Variants in NFATC2 observed in about 807,000 individuals in gnomAD.
NFATC2 encodes the protein nuclear factor of activated T-cells, cytoplasmic 2.
In NFATC2, 22 loss-of-function variants were observed where a neutral mutation model predicts 87.3. The ratio of observed to expected loss-of-function variants is 0.25; its 90% CI spans 0.18 to 0.36. The LOEUF (loss-of-function observed/expected upper bound fraction) is 0.36. Ranked by LOEUF, NFATC2 falls within the 10% of genes least tolerant of loss-of-function variation. NFATC2 has a pLI of 1.00. For missense variants in NFATC2, 1,149 were observed against 1,259.1 expected (o/e 0.91, Z 1.32); for synonymous variants, 565 against 542.2 (o/e 1.04, Z -0.58).
chr20:51,536,749 T>C (rs1023210930), intron 1 of NFATC2, among the ~76,000 whole-genome samples: 14 of 152,226 alleles, frequency 9.2e-5, no homozygotes, highest in African/African-American at 3.1e-4. Context: ...TCATTTCACC[T>C]TTCCAGCTGC....
Position 51,463,664 on chromosome 20 carries a change from C to T in NFATC2, c.1709-8976G>A, listed in dbSNP as rs577273893. ...CCAGCTCTGCCCCTGCCTTGCCAGC[C>T]GTGGGACTGCAGCAAGTCACTCATC... On this transcript the variant is annotated intron_variant, in intron 5 of 10. Transcript: ENST00000371564. Among the ~76,000 whole-genome samples, 40 of 152,320 alleles carry T rather than the reference C, an allele frequency of 2.6e-4. 1 individual carries two copies. The highest frequency in any genetic ancestry group is 7.9e-4 in the African/African-American group (33 of 41,576).
upstream of NFATC2, among the ~76,000 whole-genome samples, chr20:51,545,613 T>A (rs913713607): frequency 6.6e-5 from 10 of 151,916 alleles, no homozygotes; most frequent in African/African-American, 2.2e-4. Flanking sequence ...GATGAATAGA[T>A]GGGTGGATGG....
chr20:51,540,647 G>GTTTTTTTTTTTTTGTTTTTTTTT (rs375172598), intron 1 of NFATC2, among the ~76,000 whole-genome samples: 1 of 112,974 alleles, frequency 8.9e-6, no homozygotes, highest in African/African-American at 4.4e-5. Context: ...AAAAACTGAA[G>GTTTTTTTTTTTTTGTTTTTTTTT]TTTTTTTTTT....
At chr20:51,395,089 CTTGTTTGGAGTCTT>C (rs1227949580) in intron 10 of NFATC2, among the ~76,000 whole-genome samples, 1 of 152,196 alleles carries the variant, frequency 6.6e-6, no homozygotes, top group African/African-American at 2.4e-5. Context: ...TGATCTGTTA[CTTGTTTGGAGTCTT>C]TCTCTCTATG....
At chr20:51,412,281 A>G (rs1397933347) in intron 9 of NFATC2, among the ~76,000 whole-genome samples, 8 of 152,070 alleles carry the variant, frequency 5.3e-5, no homozygotes, top group Non-Finnish European at 1.2e-4. Flanking sequence ...GCTGGGGGTG[A>G]TTGGACTGGG....
At chr20:51,469,860 A>G (rs916741361) in intron 5 of NFATC2, among the ~76,000 whole-genome samples, 4 of 152,178 alleles carry the variant, frequency 2.6e-5, no homozygotes, top group Non-Finnish European at 4.4e-5. Flanking sequence ...CCTTGATTTC[A>G]GACTTCTGGC....
At chr20:51,521,315 A>G (rs187089591) in intron 2 of NFATC2, among the ~76,000 whole-genome samples, 67 of 152,000 alleles carry the variant, frequency 4.4e-4, no homozygotes, top group Admixed American at 1.2e-3. Context: ...TTAGGTACTC[A>G]ATTTTTATTT....
In NFATC2 at chr20:51,432,950, G is replaced by A. The variant is rs887097961; in HGVS notation, c.2033-194C>T. 2.6e-5 allele frequency among the ~76,000 whole-genome samples: 4 copies of A among 152,102 alleles called. No individual in the cohort carries two copies. The highest frequency in any genetic ancestry group is 5.9e-5 in the Non-Finnish European group (4 of 68,014). Reference sequence around the variant, plus strand: ...TGTCTTAGGTAGGAAATTTTACCCTGGCCATGAACATCTTGAATTATAGAT... The same window carrying A: ...TGTCTTAGGTAGGAAATTTTACCCTAGCCATGAACATCTTGAATTATAGAT... On this transcript the variant is annotated intron_variant, in intron 8 of 10. Coordinates refer to ENST00000371564, the MANE Select transcript of NFATC2 (RefSeq NM_012340.5). This position sits in a 1 kb window ranked among gnomAD's most constrained non-coding sequence, Gnocchi z 4.6.
At chr20:51,443,260 AC>A (rs1439431831) in intron 6 of NFATC2, among the ~76,000 whole-genome samples, 1 of 151,754 alleles carries the variant, frequency 6.6e-6, no homozygotes, top group Non-Finnish European at 1.5e-5. Flanking sequence ...TGCTATCTCC[AC>A]CCAGCCTCAG....
At chr20:51,561,453 AAG>A in intron 1 of NFATC2, among the ~76,000 whole-genome samples, 1 of 118,120 alleles carries the variant, frequency 8.5e-6, no homozygotes, top group East Asian at 2.5e-4. Flanking sequence ...GAAAGAAAGA[AAG>A]AAAGAAAGAA....
chr20:51,543,167 G>C (rs528122601), upstream of NFATC2, among the ~76,000 whole-genome samples: 2 of 152,254 alleles, frequency 1.3e-5, no homozygotes, highest in East Asian at 3.9e-4. Context: ...TCAGACACCT[G>C]CATGGCCCTG....
At chr20:51,553,683 A>G (rs2076953554) in intron 1 of NFATC2, among the ~76,000 whole-genome samples, 1 of 150,972 alleles carries the variant, frequency 6.6e-6, no homozygotes, top group Non-Finnish European at 1.5e-5. Flanking sequence ...CTCAAAAAAA[A>G]AAAAAAAAAA....
At chr20:51,399,769 C>T (rs749075506) in intron 9 of NFATC2, among the ~76,000 whole-genome samples, 5 of 152,232 alleles carry the variant, frequency 3.3e-5, no homozygotes, top group Non-Finnish European at 5.9e-5. Context: ...AGCTCCCACA[C>T]TAAACTGCCC....
intron 10 of NFATC2, among the ~76,000 whole-genome samples, chr20:51,397,627 G>A (rs1987370959): frequency 6.6e-6 from 1 of 152,162 alleles, no homozygotes; most frequent in East Asian, 1.9e-4. Flanking sequence ...CTCCCCAGGA[G>A]CCGATTCCTC....
chr20:51,491,958 G>A (rs935849012), intron 3 of NFATC2, among the ~76,000 whole-genome samples: 2 of 146,406 alleles, frequency 1.4e-5, no homozygotes, highest in African/African-American at 5.1e-5. Context: ...AGCTTATGAG[G>A]ACCCTGCTAT....
chr20:51,473,010 C>A (rs1988378812), intron 5 of NFATC2, among the ~76,000 whole-genome samples: 1 of 152,156 alleles, frequency 6.6e-6, no homozygotes. Flanking sequence ...AGATTAACTA[C>A]AAAACTGTGT....
chr20:51,450,339 A>G (rs960948350), intron 6 of NFATC2, among the ~76,000 whole-genome samples: 1 of 152,186 alleles, frequency 6.6e-6, no homozygotes, highest in South Asian at 2.1e-4. Context: ...AATGATGACT[A>G]TGTCCTGAGT....
intron 5 of NFATC2, among the ~76,000 whole-genome samples, chr20:51,463,016 C>A (rs959643542): frequency 4.6e-5 from 7 of 152,262 alleles, no homozygotes; most frequent in African/African-American, 1.7e-4. Flanking sequence ...GAGCACTGAG[C>A]AACCCTGGCC....
At chr20:51,548,966 G>A (rs1377084549) in intron 1 of NFATC2, among the ~76,000 whole-genome samples, 1 of 152,126 alleles carries the variant, frequency 6.6e-6, no homozygotes, top group Non-Finnish European at 1.5e-5. Context: ...CTGACTCAAT[G>A]GCTTCAGGGA....
Sources: allele counts gnomAD v4.1 joint callset (sites outside exome capture counted in the v4.1 genomes callset), GRCh38; gene constraint gnomAD v4.1.1; non-coding constraint Gnocchi (gnomAD v3.1); transcripts MANE v1.5; gene names NCBI Gene and HGNC (gene_info 2026-07-23, HGNC 2026-07-21).